WDR72: variants seen among roughly 807,000 people sequenced by gnomAD.
WDR72 encodes WD repeat-containing protein 72.
In WDR72, 120 loss-of-function variants were observed where a neutral mutation model predicts 124.2. The observed-to-expected ratio is 0.97, with a 90% CI of 0.83 to 1.12. The LOEUF (loss-of-function observed/expected upper bound fraction) is 1.12. Among genes scored for constraint, WDR72 ranks in the 50% most tolerant of loss-of-function variants. The pLI is 0.00. For missense variants in WDR72, 1,387 were observed against 1,278.8 expected (o/e 1.08, Z -1.29); for synonymous variants, 452 against 441.7 (o/e 1.02, Z -0.29).
chr15:53,758,116 C>T (rs896593515), intron 1 of WDR72, among the ~76,000 whole-genome samples: 1 of 152,116 alleles, frequency 6.6e-6, no homozygotes, highest in Non-Finnish European at 1.5e-5. Context: ...AGTCATCCAA[C>T]TCCCTCAGGC....
chr15:53,571,501 C>T (rs750279107), intron 18 of WDR72, among the ~76,000 whole-genome samples: 1 of 151,974 alleles, frequency 6.6e-6, no homozygotes, highest in Non-Finnish European at 1.5e-5. Context: ...CTATTTCACT[C>T]AACATAATGT....
intron 17 of WDR72, among the ~76,000 whole-genome samples, chr15:53,609,212 T>C (rs1465192018): frequency 6.6e-6 from 1 of 152,138 alleles, no homozygotes; most frequent in Non-Finnish European, 1.5e-5. Context: ...CTTTAATGTA[T>C]GGCATATTTT....
chr15:53,523,609 G>GT (rs1177340298), intron 18 of WDR72, among the ~76,000 whole-genome samples: 19 of 151,930 alleles, frequency 1.3e-4, no homozygotes, highest in Non-Finnish European at 1.8e-4. Flanking sequence ...AGTAGAAATC[G>GT]TATTTTTAAT....
intron 13 of WDR72, among the ~76,000 whole-genome samples, chr15:53,666,836 C>T (rs2015796088): frequency 6.6e-6 from 1 of 152,142 alleles, no homozygotes; most frequent in Non-Finnish European, 1.5e-5. Context: ...ATTTCTCTCC[C>T]ACTCTTCTAT....
intron 14 of WDR72, among the ~76,000 whole-genome samples, chr15:53,638,933 G>C (rs1266788498): frequency 1.3e-5 from 2 of 151,778 alleles, no homozygotes; most frequent in East Asian, 1.9e-4. Flanking sequence ...AACCCGGGAG[G>C]GTTGCAGTGA....
intron 1 of WDR72, among the ~76,000 whole-genome samples, chr15:53,757,415 G>A (rs569869183): frequency 1.7e-4 from 26 of 152,218 alleles, no homozygotes; most frequent in African/African-American, 5.8e-4. Context: ...TAGAGGTCAG[G>A]AGTTCGAGAC....
intron 18 of WDR72, among the ~76,000 whole-genome samples, chr15:53,533,826 A>C (rs1404517580): frequency 2.0e-5 from 3 of 152,176 alleles, no homozygotes; most frequent in Non-Finnish European, 4.4e-5. Flanking sequence ...CTTTTTATTG[A>C]AGACTTAGCT....
At chr15:53,603,467 G>A (rs963798398) in intron 17 of WDR72, among the ~76,000 whole-genome samples, 2 of 152,056 alleles carry the variant, frequency 1.3e-5, no homozygotes, top group Non-Finnish European at 2.9e-5. Flanking sequence ...ATTCAACACA[G>A]TATTGGAATT....
At chr15:53,559,750 T>C (rs1008493307) in intron 18 of WDR72, among the ~76,000 whole-genome samples, 13 of 151,934 alleles carry the variant, frequency 8.6e-5, no homozygotes, top group Non-Finnish European at 1.8e-4. Flanking sequence ...GAAAAATCAT[T>C]AGGAGTTTGC....
chr15:53,668,916 A>AAC lies in WDR72; in HGVS notation c.1766-3149_1766-3148insGT, dbSNP rs2140456630. On this transcript the variant is annotated intron_variant, in intron 13 of 19. Coordinates refer to ENST00000360509, the MANE Select transcript of WDR72 (RefSeq NM_182758.4). ...TGAGACCTCGTCTCAAAAAAAAAAA[A>AAC]AAAAAGAGGAAGGAGGAGGAGGAGG... is the stretch of plus-strand genomic sequence containing the variant. Among the ~76,000 whole-genome samples, 2 of 125,064 alleles carry AAC rather than the reference A, an allele frequency of 1.6e-5. 1 individual carries two copies. Among genetic ancestry groups the AAC allele is most frequent in the South Asian group, 5.9e-4 (2 of 3,362 alleles). The allele number at this position is 125,064 out of a possible 152,430, so 82.0% of individuals were successfully genotyped here.
chr15:53,573,079 C>A (rs998478791), intron 18 of WDR72, among the ~76,000 whole-genome samples: 1 of 152,146 alleles, frequency 6.6e-6, no homozygotes, highest in Non-Finnish European at 1.5e-5. Context: ...CAAACAGTGC[C>A]ATTCAACTCT....
chr15:53,760,776 G>T (rs519988), upstream of WDR72, among the ~76,000 whole-genome samples: 136,944 of 152,226 alleles, frequency 0.9, 62,770 homozygotes, highest in South Asian at 0.98. Flanking sequence ...CCGTAGTGGT[G>T]GTACTAAAGA....
Position 53,699,747 on chromosome 15 carries a change from T to C in WDR72, c.1765+3A>G. The C allele has an allele frequency of 6.2e-7, 1 of 1,613,960 alleles. No individual in the cohort carries two copies. The highest frequency in any genetic ancestry group is 1.3e-5 in the African/African-American group (1 of 75,060). Reference sequence around the variant, plus strand: ...GAATGAAAGGGATAAAATTTCAACTTACCTGTTTCAATTTCCCAGATATAA... The same window carrying C: ...GAATGAAAGGGATAAAATTTCAACTCACCTGTTTCAATTTCCCAGATATAA... On this transcript the variant is annotated splice_donor_region_variant and intron_variant, in intron 13 of 19. Transcript: ENST00000360509.
chr15:53,752,091 T>A (rs912459705), intron 1 of WDR72, among the ~76,000 whole-genome samples: 2 of 152,220 alleles, frequency 1.3e-5, no homozygotes, highest in African/African-American at 4.8e-5. Context: ...CTATCATTCA[T>A]AACTTACAGT....
intron 8 of WDR72, 121 bp downstream of exon 8, chr15:53,711,215 G>T: frequency 6.9e-7 from 1 of 1,444,270 alleles, no homozygotes; most frequent in South Asian, 1.2e-5. Flanking sequence ...ATCTTCTAGT[G>T]CCAAAGTTGT....
At chr15:53,590,259 T>C (rs2012430272) in intron 18 of WDR72, among the ~76,000 whole-genome samples, 1 of 152,052 alleles carries the variant, frequency 6.6e-6, no homozygotes, top group African/African-American at 2.4e-5. Flanking sequence ...TGCCAAATCT[T>C]GTACATTTTT....
rs1212925558 is a variant in WDR72, at chr15:53,672,192, C to T, written c.1766-6424G>A. Among the ~76,000 whole-genome samples, 17 of 151,808 alleles carry T rather than the reference C, an allele frequency of 1.1e-4. No homozygotes were observed. The East Asian group carries it at 2.1e-3, about 19-fold the overall frequency. On this transcript the variant is annotated intron_variant, in intron 13 of 19. Coordinates refer to ENST00000360509, the MANE Select transcript of WDR72 (RefSeq NM_182758.4). ...GAATGGGGCAGAGATGTTTCTATTACGGTAAAGGCCAAGTTTAAGGATGCC... is the reference window on the plus strand; with the variant it reads ...GAATGGGGCAGAGATGTTTCTATTATGGTAAAGGCCAAGTTTAAGGATGCC...
At chr15:53,751,747 C>A (rs973847923) in intron 1 of WDR72, among the ~76,000 whole-genome samples, 2 of 152,082 alleles carry the variant, frequency 1.3e-5, no homozygotes, top group African/African-American at 4.8e-5. Flanking sequence ...TGCACCCAGC[C>A]GTAATGAGTA....
intron 14 of WDR72, among the ~76,000 whole-genome samples, chr15:53,654,359 G>A (rs1300422267): frequency 6.6e-6 from 1 of 152,176 alleles, no homozygotes; most frequent in Non-Finnish European, 1.5e-5. Context: ...CCTTTATACA[G>A]ATAGAGAAGT....
Sources: allele counts gnomAD v4.1 joint callset (sites outside exome capture counted in the v4.1 genomes callset), GRCh38; gene constraint gnomAD v4.1.1; transcripts MANE v1.5; gene names NCBI Gene and HGNC (gene_info 2026-07-23, HGNC 2026-07-21).